Variants in ADGRL3 observed in about 807,000 individuals in gnomAD.
The protein encoded by ADGRL3 is adhesion G protein-coupled receptor L3.
Under a neutral mutation model 153.5 loss-of-function variants are expected in ADGRL3, and 62 were observed. The ratio of observed to expected loss-of-function variants is 0.40; its 90% CI spans 0.33 to 0.50. ADGRL3 has a LOEUF of 0.50. ADGRL3 is among the 20% of genes least tolerant of loss of function. The pLI, the probability that ADGRL3 is intolerant of heterozygous loss-of-function variation, is 0.47. For synonymous variants in ADGRL3, 710 were observed against 672.5 expected (o/e 1.06, Z -0.86); for missense variants, 1,641 against 1,859.4 (o/e 0.88, Z 2.16).
In ADGRL3 at chr4:62,073,497, G is replaced by A. The variant is rs1638638607; in HGVS notation, c.*2589G>A. ...TTATGGTAACTTCAGAAACACAAATGTGGTCTGTGGATTATGAGCACTTAT... is the reference window on the plus strand; with the variant it reads ...TTATGGTAACTTCAGAAACACAAATATGGTCTGTGGATTATGAGCACTTAT... On this transcript the variant is annotated 3_prime_UTR_variant, in exon 27 of 27. Coordinates refer to ENST00000683033, the MANE Select transcript of ADGRL3 (RefSeq NM_001387552.1). The A allele has an allele frequency of 6.6e-6, 1 of 152,116 alleles. No homozygotes were observed. Among genetic ancestry groups the A allele is most frequent in the Admixed American group, 6.6e-5 (1 of 15,260 alleles). The allele number at this position is 152,116 out of a possible 1,614,324, so 9.4% of individuals were successfully genotyped here. A position where few individuals can be genotyped will look rare whatever the true frequency, so the allele number is the denominator to read the frequency against.
intron 17 of ADGRL3, among the ~76,000 whole-genome samples, chr4:61,975,385 C>T (rs1306235012): frequency 2.0e-5 from 3 of 152,002 alleles, no homozygotes; most frequent in Non-Finnish European, 2.9e-5. Flanking sequence ...AGACCATGGG[C>T]TGGAATATCT....
At chr4:61,265,333 G>A (rs1482773827) in intron 1 of ADGRL3, among the ~76,000 whole-genome samples, 4 of 151,848 alleles carry the variant, frequency 2.6e-5, no homozygotes, top group Non-Finnish European at 4.4e-5. Context: ...TCTAAGGTGG[G>A]TTTGATTTAC....
intron 1 of ADGRL3, among the ~76,000 whole-genome samples, chr4:61,300,987 A>G (rs1431215385): frequency 2.7e-5 from 4 of 149,716 alleles, no homozygotes; most frequent in African/African-American, 9.8e-5. Context: ...CTGGTTTTGA[A>G]CTCCTGACTT....
intron 1 of ADGRL3, among the ~76,000 whole-genome samples, chr4:61,297,886 A>G (rs1262325553): frequency 6.6e-6 from 1 of 151,994 alleles, no homozygotes; most frequent in Non-Finnish European, 1.5e-5. Context: ...ACTGACCACT[A>G]TTACAGTATC....
chr4:61,432,655 T>TTTCTCTCTTTCTCTTTC (rs1553928415), intron 2 of ADGRL3, among the ~76,000 whole-genome samples: 1 of 58,746 alleles, frequency 1.7e-5, no homozygotes, highest in Non-Finnish European at 3.4e-5. Context: ...TCTTTCTTTC[T>TTTCTCTCTTTCTCTTTC]TTTTTTTTTT....
chr4:61,748,848 A>G (rs992966026), intron 8 of ADGRL3, among the ~76,000 whole-genome samples: 3 of 151,754 alleles, frequency 2.0e-5, no homozygotes, highest in African/African-American at 7.3e-5. Context: ...ACAAAAGCCA[A>G]AATTGACAAA....
At chr4:61,971,988 A>G (rs2099029716) in intron 17 of ADGRL3, among the ~76,000 whole-genome samples, 1 of 151,884 alleles carries the variant, frequency 6.6e-6, no homozygotes, top group South Asian at 2.1e-4. Context: ...TCCTTTGCCC[A>G]CTTTTTGATG....
intron 4 of ADGRL3, among the ~76,000 whole-genome samples, chr4:61,548,485 G>A (rs10023349): frequency 0.59 from 90,065 of 151,854 alleles, 27,152 homozygotes; most frequent in East Asian, 0.91. Flanking sequence ...TCCAATGTCA[G>A]TCTTCTGAAT....
At chr4:61,380,454 GT>G (rs1057326967) in intron 1 of ADGRL3, among the ~76,000 whole-genome samples, 10 of 151,856 alleles carry the variant, frequency 6.6e-5, no homozygotes, top group Admixed American at 5.9e-4. Flanking sequence ...ATGTATTCCA[GT>G]TTTTTTGTAA....
intron 8 of ADGRL3, among the ~76,000 whole-genome samples, chr4:61,809,833 A>G (rs1214830689): frequency 1.3e-5 from 2 of 152,098 alleles, no homozygotes; most frequent in Non-Finnish European, 2.9e-5. Flanking sequence ...GCTAAAAATT[A>G]CTAAGTACTT....
chr4:61,923,527 C>T (rs1261493236), intron 13 of ADGRL3, among the ~76,000 whole-genome samples: 4 of 152,106 alleles, frequency 2.6e-5, no homozygotes, highest in Admixed American at 2.6e-4. Context: ...GGCTCCTCCT[C>T]GGATCCTACA....
At chr4:62,007,460 A>T (rs1313291025) in intron 21 of ADGRL3, among the ~76,000 whole-genome samples, 1 of 133,806 alleles carries the variant, frequency 7.5e-6, no homozygotes, top group African/African-American at 3.0e-5. Flanking sequence ...ATATATACAT[A>T]TATGTGTGTG....
intron 3 of ADGRL3, among the ~76,000 whole-genome samples, chr4:61,508,400 A>G (rs955343220): frequency 1.3e-5 from 2 of 152,144 alleles, no homozygotes; most frequent in African/African-American, 2.4e-5. Flanking sequence ...CTCTTTTACT[A>G]TTCTCAGCGT....
At position 61,355,840 on chromosome 4, in the gene ADGRL3, T is replaced by A. The variant is rs1366520079; in HGVS notation, c.-239-27284T>A. On this transcript the variant is annotated intron_variant, in intron 1 of 26. Transcript: ENST00000683033. ...ATAAATGGATGAAGAATAAAGTTTATATTTTAAGGATAGTCTTTTGGCTTC... is the reference window on the plus strand; with the variant it reads ...ATAAATGGATGAAGAATAAAGTTTAAATTTTAAGGATAGTCTTTTGGCTTC... Among the ~76,000 whole-genome samples, 4 of 152,130 alleles carry A rather than the reference T, an allele frequency of 2.6e-5. No homozygotes were observed. In the East Asian group the frequency reaches 7.7e-4, roughly 29 times the overall value.
At chr4:61,370,896 T>G (rs2096510471) in intron 1 of ADGRL3, among the ~76,000 whole-genome samples, 1 of 151,542 alleles carries the variant, frequency 6.6e-6, no homozygotes, top group Non-Finnish European at 1.5e-5. Context: ...AGGACTTGCT[T>G]TATGAATCTG....
chr4:61,828,994 G>A (rs973305397), intron 9 of ADGRL3, among the ~76,000 whole-genome samples: 2 of 152,140 alleles, frequency 1.3e-5, no homozygotes, highest in South Asian at 2.1e-4. Flanking sequence ...ATATTTGTAG[G>A]GAAATGATTT....
At chr4:61,418,662 C>G (rs2097170607) in intron 2 of ADGRL3, among the ~76,000 whole-genome samples, 1 of 150,766 alleles carries the variant, frequency 6.6e-6, no homozygotes, top group Non-Finnish European at 1.5e-5. Flanking sequence ...AATACAGAAG[C>G]AGCATTCTGT....
At chr4:61,744,829 C>T (rs1211953556) in intron 8 of ADGRL3, among the ~76,000 whole-genome samples, 1 of 152,222 alleles carries the variant, frequency 6.6e-6, no homozygotes, top group Non-Finnish European at 1.5e-5. Context: ...CAAAGGAATG[C>T]AGCTCCTCAC....
intron 9 of ADGRL3, among the ~76,000 whole-genome samples, chr4:61,843,135 CAGAG>C (rs1269177319): frequency 2.0e-5 from 3 of 152,100 alleles, no homozygotes; most frequent in African/African-American, 4.8e-5. Flanking sequence ...GAAAGACAGA[CAGAG>C]AGACTGATTC....
Sources: allele counts gnomAD v4.1 joint callset (sites outside exome capture counted in the v4.1 genomes callset), GRCh38; gene constraint gnomAD v4.1.1; transcripts MANE v1.5; gene names NCBI Gene and HGNC (gene_info 2026-07-23, HGNC 2026-07-21).